The following STK11 variants were observed in gnomAD, a reference collection of about 807,000 sequenced individuals.
STK11 encodes serine/threonine-protein kinase STK11.
A neutral mutation model predicts 47.3 loss-of-function variants in STK11; 8 were observed. The ratio of observed to expected loss-of-function variants is 0.17; its 90% CI spans 0.10 to 0.31. The LOEUF (loss-of-function observed/expected upper bound fraction) is 0.31. STK11 is among the 10% of genes least tolerant of loss of function. The pLI is 1.00. For synonymous variants in STK11, 330 were observed against 255.8 expected, an observed-to-expected ratio of 1.29 and a Z score of -2.77; for missense variants, 475 against 605.0, an observed-to-expected ratio of 0.79 and a Z score of 2.25.
intron 1 of STK11, among the ~76,000 whole-genome samples, chr19:1,215,030 C>T (rs2080736011): frequency 6.6e-6 from 1 of 152,206 alleles, no homozygotes; most frequent in Non-Finnish European, 1.5e-5. Flanking sequence ...TGGCCTGTGA[C>T]CTTCATCAGC....
At position 1,228,353 on chromosome 19, in the gene STK11, G is replaced by C. The variant is rs1046924303; in HGVS notation, c.*777G>C. On this transcript the variant is annotated 3_prime_UTR_variant, in exon 10 of 10. Transcript: ENST00000326873. ...AGAAACGCCATCGCGGGATGGTGCA[G>C]ACGCGGCGGGGACTCGGAGGGTGCC... 4.1e-5 allele frequency: 10 copies of C among 241,266 alleles called. No homozygotes were observed. The highest frequency in any genetic ancestry group is 7.1e-5 in the Non-Finnish European group (9 of 125,944). The allele number at this position is 241,266 out of a possible 1,614,324, so 14.9% of individuals were successfully genotyped here.
intron 9 of STK11, 191 bp from the exon 10 acceptor site, chr19:1,227,402 C>T (rs1353175437): frequency 6.9e-6 from 3 of 436,354 alleles, no homozygotes; most frequent in African/African-American, 2.1e-5. Flanking sequence ...CCCGCCAGGC[C>T]CCACTGCAAA....
intron 1 of STK11, among the ~76,000 whole-genome samples, chr19:1,208,951 G>A (rs954940897): frequency 1.3e-5 from 2 of 152,116 alleles, no homozygotes; most frequent in African/African-American, 2.4e-5. Context: ...TGCAGGCTGT[G>A]ACATGCGGAA....
chr19:1,224,095 CCT>C, intron 8 of STK11: 1 of 994,696 alleles, frequency 1.0e-6, no homozygotes, highest in Non-Finnish European at 1.2e-6. Flanking sequence ...CCTCAGCACT[CCT>C]GGGCCCCTCA....
Position 1,228,194 on chromosome 19 carries a change from C to T in STK11, c.*618C>T. On this transcript the variant is annotated 3_prime_UTR_variant, in exon 10 of 10. Transcript: ENST00000326873. ...GCCTTTGCGCTCTCGGGTCACCCTG[C>T]TTTGGCGGCCCGGCCGGAGGGCAGG... is the stretch of plus-strand genomic sequence containing the variant. 9.9e-7 allele frequency: 1 copy of T among 1,009,636 alleles called. No individual in the cohort carries two copies. Among genetic ancestry groups the T allele is most frequent in the African/African-American group, 1.7e-5 (1 of 60,018 alleles). The allele number at this position is 1,009,636 out of a possible 1,614,324, so 62.5% of individuals were successfully genotyped here.
At chr19:1,221,089 T>C (rs2080780232) in intron 5 of STK11, 124 bp from the exon 6 acceptor site, 1 of 1,389,364 alleles carries the variant, frequency 7.2e-7, no homozygotes, top group African/African-American at 1.4e-5. Context: ...GAGGTGTCCT[T>C]GAGTCCACAG....
At chr19:1,220,209 T>C (rs2080772603) in intron 3 of STK11, 164 bp from the exon 4 acceptor site, 1 of 923,832 alleles carries the variant, frequency 1.1e-6, no homozygotes, top group Non-Finnish European at 1.6e-6. Context: ...GGCGCAGGTG[T>C]GGCTCCCTGC....
rs1463228034 is a variant in STK11 at position 1,222,022 on chromosome 19, G to T, written c.920+16G>T. ...GGCAGCACAGGTGAGCGGCCCCTGG[G>T]GGCAGTGGGGCCGAGGCTGCAGGGA... On this transcript the variant is annotated intron_variant, in intron 7 of 9. Transcript: ENST00000326873. 1 of 1,562,386 alleles carries T rather than the reference G, an allele frequency of 6.4e-7. No homozygotes were observed. The highest frequency in any genetic ancestry group is 8.7e-7 in the Non-Finnish European group (1 of 1,154,038).
At chr19:1,211,580 G>A (rs1286251255) in intron 1 of STK11, among the ~76,000 whole-genome samples, 1 of 152,212 alleles carries the variant, frequency 6.6e-6, no homozygotes, top group Non-Finnish European at 1.5e-5. Context: ...GGCACCCAGG[G>A]CTGCCGTGAG....
chr19:1,227,791 G>A lies in STK11; in HGVS notation c.*215G>A. 9.3e-7 allele frequency: 1 copy of A among 1,074,578 alleles called. No individual in the cohort carries two copies. The highest frequency in any genetic ancestry group is 1.1e-6 in the Non-Finnish European group (1 of 884,978). 66.6% of individuals were successfully genotyped at this position (1,074,578 alleles called of 1,614,324 possible). A position where few individuals can be genotyped will look rare whatever the true frequency, so the allele number is the denominator to read the frequency against. ...CCCCCTCGGCCGCCCGGCAGTGCAC[G>A]CGGCTTGTTGACTTCGCAGCCCCGG... On this transcript the variant is annotated 3_prime_UTR_variant, in exon 10 of 10. Transcript: ENST00000326873.
intron 7 of STK11, among the ~76,000 whole-genome samples, chr19:1,222,444 G>A (rs60286867): frequency 5.9e-5 from 9 of 152,080 alleles, no homozygotes; most frequent in East Asian, 1.9e-4. Flanking sequence ...CCCTCACTTC[G>A]TGGGCTCTGC....
chr19:1,219,297 CT>C lies in STK11; in HGVS notation c.375-26del, dbSNP rs943237730. On this transcript the variant is annotated intron_variant, in intron 2 of 9. Transcript: ENST00000326873. ...CTGGGCCTGTGAGTGGGGCCGCCCC[CT>C]GAGCTGTGTGTCCTTAGCGCCCCAC... is the stretch of plus-strand genomic sequence containing the variant. The C allele has an allele frequency of 2.2e-5, 34 of 1,561,404 alleles. No individual in the cohort carries two copies. The African/African-American group carries it at 3.3e-4, about 15-fold the overall frequency.
At chr19:1,218,607 G>C in intron 2 of STK11, 107 bp downstream of exon 2, 2 of 961,698 alleles carry the variant, frequency 2.1e-6, no homozygotes, top group East Asian at 4.8e-5. Flanking sequence ...GAAGGAGACT[G>C]GCACACGAGG....
chr19:1,215,232 C>T (rs1366030233), intron 1 of STK11, among the ~76,000 whole-genome samples: 1 of 152,224 alleles, frequency 6.6e-6, no homozygotes, highest in Non-Finnish European at 1.5e-5. Context: ...AGGCTGTGGA[C>T]ACAGGCCCTG....
intron 9 of STK11, 141 bp from the exon 10 acceptor site, chr19:1,227,452 C>A: frequency 1.1e-6 from 1 of 942,232 alleles, no homozygotes; most frequent in Non-Finnish European, 1.3e-6. Flanking sequence ...CAAGGGTGGC[C>A]TTCCCTGGCC....
Position 1,206,689 on chromosome 19 carries a change from G to C in STK11, c.-225G>C. 1.7e-6 allele frequency: 1 copy of C among 602,528 alleles called. No individual in the cohort carries two copies. The highest frequency in any genetic ancestry group is 2.7e-6 in the Non-Finnish European group (1 of 363,974). The allele number at this position is 602,528 out of a possible 1,614,324, so 37.3% of individuals were successfully genotyped here. A position where few individuals can be genotyped will look rare whatever the true frequency, so the allele number is the denominator to read the frequency against. ...CCGTCCCGGACCCCCGGTGCCCGCCGGTCCGCAGACCCTGCACCGGGCTTG... is the reference window on the plus strand; with the variant it reads ...CCGTCCCGGACCCCCGGTGCCCGCCCGTCCGCAGACCCTGCACCGGGCTTG... On this transcript the variant is annotated 5_prime_UTR_variant, in exon 1 of 10. Coordinates refer to ENST00000326873, the MANE Select transcript of STK11 (RefSeq NM_000455.5).
intron 7 of STK11, among the ~76,000 whole-genome samples, chr19:1,222,470 C>A (rs1239555405): frequency 1.3e-5 from 2 of 152,200 alleles, no homozygotes; most frequent in African/African-American, 2.4e-5. Context: ...TGCACCAGCC[C>A]CTGGAGGCCC....
intron 1 of STK11, among the ~76,000 whole-genome samples, chr19:1,217,916 G>A (rs564491728): frequency 7.9e-5 from 12 of 152,088 alleles, no homozygotes; most frequent in South Asian, 2.1e-4. Flanking sequence ...AGGCCGAGGC[G>A]GGCGGATCAC....
At chr19:1,213,949 A>G (rs1273683032) in intron 1 of STK11, among the ~76,000 whole-genome samples, 1 of 152,074 alleles carries the variant, frequency 6.6e-6, no homozygotes, top group Non-Finnish European at 1.5e-5. Context: ...TCCTAGCCCC[A>G]CCTCTCTGTG....
Sources: gnomAD v4.1 joint callset for allele counts (sites outside exome capture counted in the v4.1 genomes callset) on GRCh38, gnomAD v4.1.1 for gene constraint, MANE v1.5 for transcripts, NCBI Gene and HGNC (gene_info 2026-07-23, HGNC 2026-07-21) for gene names.